Variants in OPRD1 observed in about 807,000 individuals in gnomAD.
OPRD1 encodes opioid receptor delta 1.
OPRD1 carries 19 observed loss-of-function variants against 17.5 expected under a neutral mutation model. The ratio of observed to expected loss-of-function variants is 1.09; its 90% CI spans 0.76 to 1.60. The LOEUF (loss-of-function observed/expected upper bound fraction) is 1.60, where lower values mean the gene tolerates loss of function less well. OPRD1 is among the 40% of genes most tolerant of loss of function. The pLI is 0.00. For missense variants in OPRD1, 483 were observed against 547.2 expected, an observed-to-expected ratio of 0.88 and a Z score of 1.17; for synonymous variants, 256 against 240.9, an observed-to-expected ratio of 1.06 and a Z score of -0.58.
Position 28,834,244 on chromosome 1 carries a change from G to A in OPRD1, c.227+21634G>A, listed in dbSNP as rs527382552. ...AGTGTGTCCCCATGACAGTGCTGCT[G>A]CTTGTTTCTGTGCTTGCATTCCCTT... On this transcript the variant is annotated intron_variant, in intron 1 of 2. Transcript: ENST00000234961. 2.0e-5 allele frequency among the ~76,000 whole-genome samples: 3 copies of A among 152,128 alleles called. No individual in the cohort carries two copies. In the South Asian group the frequency reaches 6.2e-4, roughly 32 times the overall value.
At position 28,864,087 on chromosome 1, in the gene OPRD1, T is replaced by C. The variant is rs897229876; in HGVS notation, c.*804T>C. On this transcript the variant is annotated 3_prime_UTR_variant, in exon 3 of 3. Transcript: ENST00000234961. ...GAGTTCGAGACTAGTCTGGGCAACA[T>C]GGGAGACCCTGTCGCTACAAAAAAT... The C allele has an allele frequency of 7.2e-5, 11 of 152,348 alleles. No individual in the cohort carries two copies. The highest frequency in any genetic ancestry group is 2.6e-4 in the African/African-American group (11 of 41,522). 9.4% of individuals were successfully genotyped at this position (152,348 alleles called of 1,614,324 possible). A position where few individuals can be genotyped will look rare whatever the true frequency, so the allele number is the denominator to read the frequency against.
chr1:28,859,055 T>A lies in OPRD1; in HGVS notation c.329T>A (p.Leu110Gln). ...CTGCCTTTCCAGAGTGCCAAGTACCTGATGGAGACGTGGCCCTTCGGCGAG... is the reference window on the plus strand; with the variant it reads ...CTGCCTTTCCAGAGTGCCAAGTACCAGATGGAGACGTGGCCCTTCGGCGAG... ...STLPFQSAKY[L>Q]METWPFGELL... The change falls in exon 2 of 3, where the codon CTG (leucine) becomes CAG (glutamine). Residue 110 changes from leucine (L) to glutamine (Q), a missense_variant. Physicochemically the swap from Leu to Gln is moderately radical, Grantham distance 113. Coordinates refer to ENST00000234961, the MANE Select transcript of OPRD1 (RefSeq NM_000911.4). 6.2e-7 allele frequency: 1 copy of A among 1,614,244 alleles called. No homozygotes were observed. The highest frequency in any genetic ancestry group is 2.2e-5 in the East Asian group (1 of 44,896).
Position 28,863,594 on chromosome 1 carries a change from T to G in OPRD1, c.*311T>G. ...GGAGCGGGACCTGTGGCTCTACAAC[T>G]GAGTCCTTAAACAGGGCATCTCCAG... On this transcript the variant is annotated 3_prime_UTR_variant, in exon 3 of 3. Coordinates refer to ENST00000234961, the MANE Select transcript of OPRD1 (RefSeq NM_000911.4). 1 of 336,440 alleles carries G rather than the reference T, an allele frequency of 3.0e-6. No homozygotes were observed. The highest frequency in any genetic ancestry group is 5.4e-6 in the Non-Finnish European group (1 of 186,840). 20.8% of individuals were successfully genotyped at this position (336,440 alleles called of 1,614,324 possible).
rs2089143624 is a variant in OPRD1, at chr1:28,863,282, G to A, written c.1118G>A (p.Ter373=). ...SDGPGGGAAA[*] ...GGTCCCGGCGGTGGCGCTGCCGCCT[G>A]ACCAGGCCATCCGGCCCCCAGAGCG... The change falls in exon 3 of 3, where the codon TGA becomes TAA. Residue 373 remains the stop codon, a stop_retained_variant. Transcript: ENST00000234961. 3 of 1,432,384 alleles carry A rather than the reference G, an allele frequency of 2.1e-6. No homozygotes were observed. The highest frequency in any genetic ancestry group is 3.0e-5 in the South Asian group (2 of 66,804). 88.7% of individuals were successfully genotyped at this position (1,432,384 alleles called of 1,614,324 possible).
chr1:28,840,635 T>A lies in OPRD1; in HGVS notation c.228-18319T>A, dbSNP rs1254598458. ...ATAGTGAGGATTAAATAATGTAAAA[T>A]ACGGGGCCAGGCGTGGTGGCTCATG... On this transcript the variant is annotated intron_variant, in intron 1 of 2. Transcript: ENST00000234961. Among the ~76,000 whole-genome samples the A allele has an allele frequency of 2.6e-5, 4 of 152,146 alleles. No individual in the cohort carries two copies. The East Asian group carries it at 7.7e-4, about 29-fold the overall frequency.
At chr1:28,835,966 C>T (rs1391877589) in intron 1 of OPRD1, among the ~76,000 whole-genome samples, 1 of 152,180 alleles carries the variant, frequency 6.6e-6, no homozygotes, top group African/African-American at 2.4e-5. Flanking sequence ...GGTTATGGAG[C>T]ACATGGCTGC....
intron 1 of OPRD1, among the ~76,000 whole-genome samples, chr1:28,838,914 T>G (rs1259049254): frequency 6.6e-6 from 1 of 152,038 alleles, no homozygotes; most frequent in Non-Finnish European, 1.5e-5. Context: ...TTGGTTGTTG[T>G]AAGAGATGGG....
chr1:28,822,564 T>A (rs2088725159), intron 1 of OPRD1, among the ~76,000 whole-genome samples: 1 of 151,898 alleles, frequency 6.6e-6, no homozygotes. Context: ...CACTGCAACC[T>A]CTGCTCCCCT....
chr1:28,827,663 C>T (rs947445525), intron 1 of OPRD1, among the ~76,000 whole-genome samples: 1 of 152,160 alleles, frequency 6.6e-6, no homozygotes, highest in Admixed American at 6.5e-5. Context: ...ACTGAAGCCT[C>T]GAACCCCTCA....
Position 28,858,980 on chromosome 1 carries a change from A to T in OPRD1, c.254A>T (p.Asn85Ile), listed in dbSNP as rs2089084365. ...VRYTKMKTAT[N>I]IYIFNLALAD... Reference sequence around the variant, plus strand: ...TACACTAAGATGAAGACGGCCACCAACATCTACATCTTCAACCTGGCCTTA... The same window carrying T: ...TACACTAAGATGAAGACGGCCACCATCATCTACATCTTCAACCTGGCCTTA... The change falls in exon 2 of 3, where the codon AAC (asparagine) becomes ATC (isoleucine). Residue 85 changes from asparagine (N) to isoleucine (I), a missense_variant. Coordinates refer to ENST00000234961, the MANE Select transcript of OPRD1 (RefSeq NM_000911.4). 1 of 1,612,324 alleles carries T rather than the reference A, an allele frequency of 6.2e-7. No homozygotes were observed. The highest frequency in any genetic ancestry group is 1.3e-5 in the African/African-American group (1 of 74,942).
At chr1:28,836,748 G>A (rs533202803) in intron 1 of OPRD1, among the ~76,000 whole-genome samples, 2 of 152,216 alleles carry the variant, frequency 1.3e-5, no homozygotes, top group South Asian at 2.1e-4. Context: ...GCCTCTCTCT[G>A]TTGTCCAGGC....
At chr1:28,832,391 G>T (rs2088814113) in intron 1 of OPRD1, among the ~76,000 whole-genome samples, 1 of 152,088 alleles carries the variant, frequency 6.6e-6, no homozygotes, top group African/African-American at 2.4e-5. Flanking sequence ...GCCGAGGTGG[G>T]AGAATCGCTC....
At chr1:28,819,465 C>T (rs775261425) in intron 1 of OPRD1, among the ~76,000 whole-genome samples, 3 of 152,220 alleles carry the variant, frequency 2.0e-5, no homozygotes, top group South Asian at 2.1e-4. Context: ...GACTTACAGA[C>T]GCACTGCGGT....
At chr1:28,824,543 C>A (rs1396866948) in intron 1 of OPRD1, among the ~76,000 whole-genome samples, 1 of 151,554 alleles carries the variant, frequency 6.6e-6, no homozygotes, top group Non-Finnish European at 1.5e-5. Context: ...TGGTCTTGAT[C>A]TCCTGACCTT....
chr1:28,832,568 G>C (rs987310774), intron 1 of OPRD1, among the ~76,000 whole-genome samples: 1 of 151,908 alleles, frequency 6.6e-6, no homozygotes, highest in Non-Finnish European at 1.5e-5. Context: ...AGTGAGCTGT[G>C]ATTGCGCCAC....
chr1:28,829,441 T>G (rs1017394231), intron 1 of OPRD1, among the ~76,000 whole-genome samples: 9 of 152,040 alleles, frequency 5.9e-5, no homozygotes, highest in Admixed American at 5.9e-4. Context: ...CGATCTCGGC[T>G]CACTACAACC....
intron 1 of OPRD1, among the ~76,000 whole-genome samples, chr1:28,842,020 G>A (rs2088900518): frequency 1.3e-5 from 2 of 151,012 alleles, no homozygotes; most frequent in East Asian, 2.0e-4. Flanking sequence ...CATTGTGCCG[G>A]CCTTATTTTT....
At chr1:28,836,171 A>T (rs1175845357) in intron 1 of OPRD1, among the ~76,000 whole-genome samples, 2 of 152,172 alleles carry the variant, frequency 1.3e-5, no homozygotes, top group East Asian at 3.9e-4. Context: ...CCCTTCGTAT[A>T]GTTCCCTAGG....
At chr1:28,812,635 G>T (rs371619700) in intron 1 of OPRD1, 25 bp downstream of exon 1, 2 of 1,467,060 alleles carry the variant, frequency 1.4e-6, no homozygotes, top group African/African-American at 2.9e-5. Context: ...GGCCGGCGCC[G>T]CAGGGCTGGA....
Sources: allele counts gnomAD v4.1 joint callset (sites outside exome capture counted in the v4.1 genomes callset), GRCh38; gene constraint gnomAD v4.1.1; transcripts MANE v1.5; gene names NCBI Gene and HGNC (gene_info 2026-07-23, HGNC 2026-07-21).